DIP2B: variants seen among roughly 807,000 people sequenced by gnomAD.
DIP2B encodes disco-interacting protein 2 homolog B.
In DIP2B, 76 loss-of-function variants were observed where a neutral mutation model predicts 198.0. The observed-to-expected ratio is 0.38, with a 90% CI of 0.32 to 0.46. DIP2B has a LOEUF of 0.46. DIP2B is among the 20% of genes least tolerant of loss of function. The pLI, the probability that DIP2B is intolerant of heterozygous loss-of-function variation, is 0.99. For synonymous variants in DIP2B, 701 were observed against 739.1 expected (o/e 0.95, Z 0.84); for missense variants, 1,559 against 1,978.4 (o/e 0.79, Z 4.02).
At chr12:50,544,057 G>A (rs900287305) in intron 1 of DIP2B, among the ~76,000 whole-genome samples, 8 of 150,324 alleles carry the variant, frequency 5.3e-5, no homozygotes, top group Non-Finnish European at 1.0e-4. Flanking sequence ...GTGAAACCTC[G>A]TCTCTACTAA....
At chr12:50,653,341 C>CTTTTTT (rs1323702401) in intron 3 of DIP2B, among the ~76,000 whole-genome samples, 1 of 70,140 alleles carries the variant, frequency 1.4e-5, no homozygotes, top group South Asian at 4.2e-4. Context: ...TTTTTTTTTT[C>CTTTTTT]TTTTCTTTTT....
chr12:50,655,225 G>C (rs1407550336), intron 3 of DIP2B, among the ~76,000 whole-genome samples: 2 of 152,118 alleles, frequency 1.3e-5, no homozygotes, highest in African/African-American at 4.8e-5. Context: ...GATTTCCAGG[G>C]TATATTGTTA....
In DIP2B at chr12:50,505,168, C is replaced by T. The variant is rs895107881; in HGVS notation, c.28C>T (p.Pro10Ser). 2 of 1,526,618 alleles carry T rather than the reference C, an allele frequency of 1.3e-6. No homozygotes were observed. The highest frequency in any genetic ancestry group is 1.8e-6 in the Non-Finnish European group (2 of 1,142,394). The allele number at this position is 1,526,618 out of a possible 1,614,324, so 94.6% of individuals were successfully genotyped here. A position where few individuals can be genotyped will look rare whatever the true frequency, so the allele number is the denominator to read the frequency against. The change falls in exon 1 of 38, where the codon CCG (proline) becomes TCG (serine). Residue 10 changes from proline (P) to serine (S), a missense_variant. Physicochemically the swap from Pro to Ser is moderately conservative, Grantham distance 74. Coordinates refer to ENST00000301180, the MANE Select transcript of DIP2B (RefSeq NM_173602.3). ...GGCGGAACGAGGCCTGGAGCCGTCG[C>T]CGGCCGCGGTGGCGGCGCTGCCGCC... is the stretch of plus-strand genomic sequence containing the variant. MAERGLEPS[P>S]AAVAALPPEV... is the part of the protein sequence containing the mutation.
rs570060258 is a variant in DIP2B, at chr12:50,536,757, C to T, written c.100+31517C>T. 5.9e-5 allele frequency among the ~76,000 whole-genome samples: 9 copies of T among 151,896 alleles called. No homozygotes were observed. In the East Asian group the frequency reaches 9.7e-4, roughly 16 times the overall value. Reference sequence around the variant, plus strand: ...TAATTTTTGTATTTTTTGGTAGAGACGGTGTTTCTCCAAGTTGACCAGGCT... The same window carrying T: ...TAATTTTTGTATTTTTTGGTAGAGATGGTGTTTCTCCAAGTTGACCAGGCT... On this transcript the variant is annotated intron_variant, in intron 1 of 37. Transcript: ENST00000301180.
chr12:50,692,466 A>G (rs1939238100), intron 13 of DIP2B, among the ~76,000 whole-genome samples: 1 of 152,188 alleles, frequency 6.6e-6, no homozygotes, highest in African/African-American at 2.4e-5. Flanking sequence ...TTGTAACCAC[A>G]TTACCCTATG....
intron 1 of DIP2B, among the ~76,000 whole-genome samples, chr12:50,578,076 A>G (rs1423609504): frequency 6.6e-6 from 1 of 152,232 alleles, no homozygotes; most frequent in South Asian, 2.1e-4. Context: ...CAGTGGCACA[A>G]TCTTGGCTCA....
chr12:50,587,967 T>C (rs1958784910), intron 1 of DIP2B, among the ~76,000 whole-genome samples: 1 of 152,158 alleles, frequency 6.6e-6, no homozygotes, highest in African/African-American at 2.4e-5. Flanking sequence ...TCGAGATAAT[T>C]TGCTTTTATA....
At chr12:50,672,581 T>C (rs1938873691) in intron 5 of DIP2B, among the ~76,000 whole-genome samples, 1 of 152,240 alleles carries the variant, frequency 6.6e-6, no homozygotes, top group African/African-American at 2.4e-5. Context: ...TCATTGCTTC[T>C]ACTACTCTGT....
In DIP2B at chr12:50,683,196, G is replaced by C. The variant is rs771759234; in HGVS notation, c.1265G>C (p.Cys422Ser). ...PVMFMVAFYG[C>S]LLAEVIPVPI... ...ATGTTTATGGTGGCTTTCTATGGAT[G>C]CCTCCTGGCAGAAGTGATTCCAGTG... The change falls in exon 10 of 38, where the codon TGC becomes TCC. Residue 422 changes from cysteine to serine, a missense_variant. By Grantham distance (112) the Cys-to-Ser change is moderately radical (BLOSUM62 -1). Coordinates refer to ENST00000301180, the MANE Select transcript of DIP2B (RefSeq NM_173602.3). 1 of 1,612,944 alleles carries C rather than the reference G, an allele frequency of 6.2e-7. No homozygotes were observed. The highest frequency in any genetic ancestry group is 8.5e-7 in the Non-Finnish European group (1 of 1,179,668).
intron 1 of DIP2B, among the ~76,000 whole-genome samples, chr12:50,545,564 A>T (rs536772097): frequency 4.0e-5 from 6 of 151,852 alleles, no homozygotes; most frequent in South Asian, 2.1e-4. Context: ...TTTTTTACAG[A>T]TAGTGTCTTG....
At chr12:50,725,216 G>A (rs781365115) in intron 28 of DIP2B, among the ~76,000 whole-genome samples, 37 of 152,104 alleles carry the variant, frequency 2.4e-4, no homozygotes, top group Admixed American at 2.2e-3. Flanking sequence ...CCTTTCGTTC[G>A]AGATGTGATA....
intron 1 of DIP2B, among the ~76,000 whole-genome samples, chr12:50,590,920 T>A (rs1292719060): frequency 1.3e-5 from 2 of 152,202 alleles, no homozygotes; most frequent in African/African-American, 4.8e-5. Context: ...GTGTTGCCAA[T>A]GTGATACTTT....
At chr12:50,695,442 C>T in intron 15 of DIP2B, 82 bp downstream of exon 15, 1 of 1,283,594 alleles carries the variant, frequency 7.8e-7, no homozygotes, top group South Asian at 1.2e-5. Flanking sequence ...TTCAAATTGC[C>T]CTTGTATGCC....
intron 35 of DIP2B, among the ~76,000 whole-genome samples, chr12:50,737,728 A>G (rs1052748471): frequency 6.6e-6 from 1 of 151,974 alleles, no homozygotes; most frequent in African/African-American, 2.4e-5. Context: ...CTGGGACTAC[A>G]GGCACGTGCC....
At chr12:50,733,742 A>C (rs1228277312) in intron 32 of DIP2B, among the ~76,000 whole-genome samples, 2 of 152,254 alleles carry the variant, frequency 1.3e-5, no homozygotes, top group African/African-American at 4.8e-5. Context: ...GGCATGGACA[A>C]AGTGAGTGAA....
intron 1 of DIP2B, among the ~76,000 whole-genome samples, chr12:50,509,417 C>T (rs1957995382): frequency 6.6e-6 from 1 of 152,176 alleles, no homozygotes; most frequent in South Asian, 2.1e-4. Flanking sequence ...TGTCTGAGAA[C>T]AGTCCAAAGA....
intron 1 of DIP2B, among the ~76,000 whole-genome samples, chr12:50,536,047 C>A (rs1413882617): frequency 6.6e-6 from 1 of 151,652 alleles, no homozygotes; most frequent in Non-Finnish European, 1.5e-5. Flanking sequence ...TTTATGGCTG[C>A]ATAGTATTCC....
chr12:50,617,651 A>G (rs969560238), intron 1 of DIP2B, among the ~76,000 whole-genome samples: 1 of 152,088 alleles, frequency 6.6e-6, no homozygotes, highest in Non-Finnish European at 1.5e-5. Flanking sequence ...TTTACTAAAA[A>G]TACAAAAATT....
intron 1 of DIP2B, among the ~76,000 whole-genome samples, chr12:50,604,518 C>T (rs1440839531): frequency 6.6e-6 from 1 of 152,084 alleles, no homozygotes; most frequent in Non-Finnish European, 1.5e-5. Context: ...CAGTGGCATG[C>T]ATGTTCATGG....
Sources: allele counts gnomAD v4.1 joint callset (sites outside exome capture counted in the v4.1 genomes callset), GRCh38; gene constraint gnomAD v4.1.1; transcripts MANE v1.5; gene names NCBI Gene and HGNC (gene_info 2026-07-23, HGNC 2026-07-21).